CENPN: variants seen among roughly 807,000 people sequenced by gnomAD.
CENPN encodes the protein centromere protein N.
Under a neutral mutation model 48.6 loss-of-function variants are expected in CENPN, and 36 were observed. The observed-to-expected ratio is 0.74, with a 90% confidence interval of 0.57 to 0.98. CENPN has a LOEUF of 0.98. Ranked by LOEUF, CENPN falls within the 50% of genes least tolerant of loss-of-function variation. The pLI, the probability that CENPN is intolerant of heterozygous loss-of-function variation, is 0.00. For missense variants in CENPN, 439 were observed against 399.2 expected (o/e 1.10, Z -0.85); for synonymous variants, 166 against 135.2 (o/e 1.23, Z -1.58).
At chr16:81,022,448 G>A in intron 6 of CENPN, 149 bp from the exon 7 acceptor site, 2 of 647,472 alleles carry the variant, frequency 3.1e-6, no homozygotes, top group Non-Finnish European at 5.3e-6. Flanking sequence ...TTGAAGCTCA[G>A]TAACAGGCTA....
intron 7 of CENPN, chr16:81,023,218 C>G: frequency 7.3e-6 from 2 of 275,242 alleles, no homozygotes; most frequent in South Asian, 3.7e-5. Context: ...TTTTTTCAAA[C>G]TATGCATGGC....
intron 5 of CENPN, 72 bp downstream of exon 5, chr16:81,017,906 C>A: frequency 2.3e-6 from 2 of 875,608 alleles, no homozygotes; most frequent in Non-Finnish European, 3.6e-6. Flanking sequence ...TTGCTACTAT[C>A]ATAGTTTTTT....
downstream of CENPN, chr16:81,032,830 C>A: frequency 1.1e-6 from 1 of 951,638 alleles, no homozygotes; most frequent in Non-Finnish European, 1.6e-6. Flanking sequence ...TTTGACCAAT[C>A]TTGGAAGCTT....
Position 81,028,292 on chromosome 16 carries a change from C to T in CENPN, c.932C>T (p.Pro311Leu). The change falls in exon 10 of 11, where the codon CCA becomes CTA. Residue 311 changes from proline (P) to leucine (L), a missense_variant. Physicochemically the swap from Pro to Leu is moderately conservative, Grantham distance 98. Coordinates refer to ENST00000305850, the MANE Select transcript of CENPN (RefSeq NM_001100624.3). ...HLLEALKSLA[P>L]AGIADAPLSP... ...CTGGAAGCATTGAAATCCTTAGCAC[C>T]AGCGGGTGAGTGGTCAGCTTACTCT... 6.2e-7 allele frequency: 1 copy of T among 1,614,078 alleles called. No individual in the cohort carries two copies. The highest frequency in any genetic ancestry group is 8.5e-7 in the Non-Finnish European group (1 of 1,179,986).
Position 81,026,591 on chromosome 16 carries a change from A to G in CENPN, c.763A>G (p.Thr255Ala). The G allele has an allele frequency of 6.2e-7, 1 of 1,607,040 alleles. No homozygotes were observed. Among genetic ancestry groups the G allele is most frequent in the Non-Finnish European group, 8.5e-7 (1 of 1,175,012 alleles). Reference protein sequence around the residue: ...KERVQRITQETFGDYPQPQLE... With the variant: ...KERVQRITQEAFGDYPQPQLE... Reference sequence around the variant, plus strand: ...GAGAGTCCAACGAATAACTCAAGAAACATTTGGAGATTATCCTCAACCACA... The same window carrying G: ...GAGAGTCCAACGAATAACTCAAGAAGCATTTGGAGATTATCCTCAACCACA... The change falls in exon 9 of 11, where the codon ACA becomes GCA. Residue 255 changes from threonine to alanine, a missense_variant. Coordinates refer to ENST00000305850, the MANE Select transcript of CENPN (RefSeq NM_001100624.3).
chr16:81,013,435 A>C (rs1311252441), intron 2 of CENPN, among the ~76,000 whole-genome samples: 2 of 152,206 alleles, frequency 1.3e-5, no homozygotes, highest in African/African-American at 4.8e-5. Context: ...GGTGATAAGA[A>C]AGGGACACAA....
At chr16:81,014,708 G>C (rs1192369557) in intron 3 of CENPN, among the ~76,000 whole-genome samples, 1 of 152,180 alleles carries the variant, frequency 6.6e-6, no homozygotes, top group Non-Finnish European at 1.5e-5. Flanking sequence ...AAATGAGGTA[G>C]TGCCCGAGAA....
intron 1 of CENPN, among the ~76,000 whole-genome samples, chr16:81,008,973 G>A (rs748291201): frequency 3.5e-4 from 54 of 152,330 alleles, no homozygotes; most frequent in Middle Eastern, 3.4e-3. Context: ...TTGGGAGGCC[G>A]AGGCGGGAGG....
chr16:81,020,577 A>G (rs1970142012), intron 6 of CENPN: 2 of 239,454 alleles, frequency 8.4e-6, no homozygotes, highest in Admixed American at 5.3e-5. Context: ...GAGTGTTGTT[A>G]TCTGCAGATG....
intron 5 of CENPN, among the ~76,000 whole-genome samples, chr16:81,018,504 T>C (rs2151688118): frequency 6.6e-6 from 1 of 152,296 alleles, no homozygotes; most frequent in South Asian, 2.1e-4. Context: ...ACTTCAATGA[T>C]TTTTTACATT....
intron 8 of CENPN, among the ~76,000 whole-genome samples, chr16:81,025,233 A>G (rs186096322): frequency 1.8e-3 from 274 of 152,208 alleles, no homozygotes; most frequent in Non-Finnish European, 3.5e-3. Context: ...CCATGCTCTT[A>G]ATGCGCTGGA....
At chr16:81,028,429 C>T in intron 10 of CENPN, 132 bp downstream of exon 10, 2 of 1,465,306 alleles carry the variant, frequency 1.4e-6, no homozygotes, top group Non-Finnish European at 9.3e-7. Flanking sequence ...TCTCTTGCAT[C>T]TTCTGCTTCT....
At chr16:81,012,143 G>C in intron 2 of CENPN, 33 bp downstream of exon 2, 2 of 1,594,994 alleles carry the variant, frequency 1.3e-6, no homozygotes, top group Non-Finnish European at 8.6e-7. Context: ...GCCTTGAACA[G>C]AGTGCTACCC....
At position 81,014,239 on chromosome 16, in the gene CENPN, G is replaced by C. The variant is rs143444558; in HGVS notation, c.217+58G>C. 2.8e-4 allele frequency: 422 copies of C among 1,482,098 alleles called. 1 individual carries two copies. The African/African-American group carries it at 5.4e-3, about 19-fold the overall frequency. The allele number at this position is 1,482,098 out of a possible 1,614,324, so 91.8% of individuals were successfully genotyped here. A position where few individuals can be genotyped will look rare whatever the true frequency, so the allele number is the denominator to read the frequency against. On this transcript the variant is annotated intron_variant, in intron 3 of 10. Transcript: ENST00000305850. ...CAATCAGTTTATTAGAGGCAATTTT[G>C]TTTCTTTCTTTGTGAGACAGGGTCT... is the stretch of plus-strand genomic sequence containing the variant.
At chr16:81,032,570 C>T, downstream of CENPN, 2 of 1,580,444 alleles carry the variant, frequency 1.3e-6, no homozygotes, top group South Asian at 1.2e-5. Flanking sequence ...TTTTTTTTAG[C>T]ACTTGTTTGC....
Position 81,030,111 on chromosome 16 carries a change from C to G in CENPN, c.*1460C>G. The G allele has an allele frequency of 2.8e-6, 2 of 707,638 alleles. No individual in the cohort carries two copies. The highest frequency in any genetic ancestry group is 3.5e-6 in the Non-Finnish European group (2 of 576,608). 43.8% of individuals were successfully genotyped at this position (707,638 alleles called of 1,614,324 possible). A position where few individuals can be genotyped will look rare whatever the true frequency, so the allele number is the denominator to read the frequency against. ...TGAGAATAGTATGGGGGAAATCGTT[C>G]CCATGACTCAAGTATCTCCACCTGG... On this transcript the variant is annotated 3_prime_UTR_variant, in exon 11 of 11. Coordinates refer to ENST00000305850, the MANE Select transcript of CENPN (RefSeq NM_001100624.3).
chr16:81,017,033 A>G, intron 3 of CENPN: 1 of 282,948 alleles, frequency 3.5e-6, no homozygotes, highest in South Asian at 3.5e-5. Context: ...TTAATGTGGC[A>G]TTCTGTGGAA....
At chr16:81,022,567 A>G (rs1597100677) in intron 6 of CENPN, 30 bp from the exon 7 acceptor site, 2 of 1,560,742 alleles carry the variant, frequency 1.3e-6, no homozygotes, top group Non-Finnish European at 1.8e-6. Context: ...CAGTAATCCT[A>G]GTAATAGTCT....
At position 81,024,711 on chromosome 16, in the gene CENPN, C is replaced by G. The variant is rs755054308; in HGVS notation, c.634-4C>G. The G allele has an allele frequency of 1.3e-5, 21 of 1,598,250 alleles. No individual in the cohort carries two copies. The highest frequency in any genetic ancestry group is 1.5e-5 in the Non-Finnish European group (17 of 1,170,656). On this transcript the variant is annotated splice_polypyrimidine_tract_variant and splice_region_variant and intron_variant, in intron 7 of 10. Transcript: ENST00000305850. Reference sequence around the variant, plus strand: ...TAGTAAAATATTCACTTTTTTTTCCCTAGACCTTTGAAACTCACAACTCTA... The same window carrying G: ...TAGTAAAATATTCACTTTTTTTTCCGTAGACCTTTGAAACTCACAACTCTA...
Sources: gnomAD v4.1 joint callset for allele counts (sites outside exome capture counted in the v4.1 genomes callset) on GRCh38, gnomAD v4.1.1 for gene constraint, MANE v1.5 for transcripts, NCBI Gene and HGNC (gene_info 2026-07-23, HGNC 2026-07-21) for gene names.